CNTNAP2: variants seen among roughly 807,000 people sequenced by gnomAD.
CNTNAP2 encodes contactin-associated protein-like 2.
CNTNAP2 carries 98 observed loss-of-function variants against 155.2 expected under a neutral mutation model. The ratio of observed to expected loss-of-function variants is 0.63; its 90% CI spans 0.54 to 0.75. The LOEUF (loss-of-function observed/expected upper bound fraction) is 0.75, where lower values mean the gene tolerates loss of function less well. CNTNAP2 is among the 30% of genes least tolerant of loss of function. The probability of loss-of-function intolerance (pLI) is 0.00; values close to 1 mark genes in which losing one functional copy is unlikely to be tolerated. For synonymous variants in CNTNAP2, 651 were observed against 631.2 expected (o/e 1.03, Z -0.47); for missense variants, 1,727 against 1,688.1 (o/e 1.02, Z -0.40).
chr7:146,480,422 TTAAAA>T (rs1292376971), intron 1 of CNTNAP2, among the ~76,000 whole-genome samples: 1 of 151,928 alleles, frequency 6.6e-6, no homozygotes, highest in Non-Finnish European at 1.5e-5. Flanking sequence ...ATTATATATC[TTAAAA>T]TAATATGTAA....
intron 21 of CNTNAP2, among the ~76,000 whole-genome samples, chr7:148,371,664 G>A (rs968129918): frequency 4.6e-5 from 7 of 152,062 alleles, no homozygotes; most frequent in African/African-American, 1.7e-4. Context: ...ATCACTGAAC[G>A]ACAGGGATAC....
intron 3 of CNTNAP2, among the ~76,000 whole-genome samples, chr7:146,862,265 A>G (rs1585127047): frequency 6.6e-6 from 1 of 152,250 alleles, no homozygotes; most frequent in East Asian, 1.9e-4. Flanking sequence ...CTTAAATCTC[A>G]TGTTGCATTC....
intron 8 of CNTNAP2, among the ~76,000 whole-genome samples, chr7:147,213,659 T>C (rs1004363068): frequency 6.6e-6 from 1 of 151,946 alleles, no homozygotes; most frequent in Non-Finnish European, 1.5e-5. Flanking sequence ...TTTAAAGAGA[T>C]TTATTAGGGA....
intron 15 of CNTNAP2, among the ~76,000 whole-genome samples, chr7:147,982,603 T>A (rs1354676513): frequency 6.6e-6 from 1 of 152,208 alleles, no homozygotes. Context: ...TTCATCAAGA[T>A]GATGGTGAAT....
rs537094335 is a variant in CNTNAP2, at chr7:148,401,933, G to A, written c.3716-7458G>A. Among the ~76,000 whole-genome samples the A allele has an allele frequency of 2.6e-5, 4 of 152,216 alleles. No homozygotes were observed. The East Asian group carries it at 5.8e-4, about 22-fold the overall frequency. On this transcript the variant is annotated intron_variant, in intron 22 of 23. Transcript: ENST00000361727. Reference sequence around the variant, plus strand: ...TTTTCAATTAAAATACCTCTTTATCGTTAATCAGACAAAAGAGTACAATGT... The same window carrying A: ...TTTTCAATTAAAATACCTCTTTATCATTAATCAGACAAAAGAGTACAATGT...
At chr7:147,311,258 A>G (rs1795120885) in intron 9 of CNTNAP2, among the ~76,000 whole-genome samples, 1 of 152,210 alleles carries the variant, frequency 6.6e-6, no homozygotes, top group Admixed American at 6.5e-5. Context: ...AGCAGAGGTT[A>G]AGACAGAATC....
chr7:146,618,937 G>A (rs1288231863), intron 1 of CNTNAP2, among the ~76,000 whole-genome samples: 1 of 151,992 alleles, frequency 6.6e-6, no homozygotes, highest in Admixed American at 6.6e-5. Context: ...GGGCGTGGTG[G>A]TGGGGGCCTA....
chr7:146,880,003 G>C (rs1795509735), intron 3 of CNTNAP2, among the ~76,000 whole-genome samples: 1 of 151,990 alleles, frequency 6.6e-6, no homozygotes, highest in Non-Finnish European at 1.5e-5. Context: ...GATCTCGTAA[G>C]ACTTATTCAC....
At chr7:146,152,322 A>G (rs1225499506) in intron 1 of CNTNAP2, among the ~76,000 whole-genome samples, 1 of 152,112 alleles carries the variant, frequency 6.6e-6, no homozygotes, top group African/African-American at 2.4e-5. Flanking sequence ...AGTTGCTGTC[A>G]TAGAAGTAAT....
intron 14 of CNTNAP2, among the ~76,000 whole-genome samples, chr7:147,940,785 A>G (rs1346141039): frequency 3.3e-5 from 5 of 152,084 alleles, no homozygotes; most frequent in Admixed American, 2.6e-4. Flanking sequence ...CGATCCTCCC[A>G]CCTCGGGCAC....
At chr7:146,997,506 T>G (rs1413506419) in intron 3 of CNTNAP2, among the ~76,000 whole-genome samples, 1 of 152,164 alleles carries the variant, frequency 6.6e-6, no homozygotes, top group African/African-American at 2.4e-5. Context: ...CCTATGTTCA[T>G]CAGGAATATT....
At chr7:147,474,593 A>AG in intron 10 of CNTNAP2, among the ~76,000 whole-genome samples, 2 of 152,260 alleles carry the variant, frequency 1.3e-5, no homozygotes, top group East Asian at 3.9e-4. Flanking sequence ...GAAAAAAAAA[A>AG]CAAGAAAAAC....
intron 18 of CNTNAP2, among the ~76,000 whole-genome samples, chr7:148,207,075 T>C (rs1795461954): frequency 2.0e-5 from 3 of 152,232 alleles, no homozygotes; most frequent in African/African-American, 4.8e-5. Flanking sequence ...GAAAAGTATA[T>C]ATCATGTTTG....
chr7:146,699,733 C>T (rs1160213191), intron 1 of CNTNAP2, among the ~76,000 whole-genome samples: 1 of 151,934 alleles, frequency 6.6e-6, no homozygotes, highest in Non-Finnish European at 1.5e-5. Context: ...TTTGGGAGGC[C>T]GAGGTGGGAG....
At chr7:147,642,546 T>A (rs192484977) in intron 13 of CNTNAP2, among the ~76,000 whole-genome samples, 11 of 152,148 alleles carry the variant, frequency 7.2e-5, no homozygotes, top group African/African-American at 2.7e-4. Context: ...TTACAAAACA[T>A]AAAATGTACA....
intron 13 of CNTNAP2, among the ~76,000 whole-genome samples, chr7:147,857,820 C>G (rs774584955): frequency 3.9e-5 from 6 of 152,210 alleles, no homozygotes; most frequent in Non-Finnish European, 7.3e-5. Context: ...ATATACATCT[C>G]TAATACAAAT....
At chr7:146,465,728 T>C (rs1563094686) in intron 1 of CNTNAP2, among the ~76,000 whole-genome samples, 1 of 152,184 alleles carries the variant, frequency 6.6e-6, no homozygotes, top group Non-Finnish European at 1.5e-5. Context: ...GTACTAGAGA[T>C]TGATACGGCA....
chr7:147,398,798 G>A (rs1032781323), intron 10 of CNTNAP2, among the ~76,000 whole-genome samples: 7 of 148,992 alleles, frequency 4.7e-5, no homozygotes, highest in African/African-American at 1.7e-4. Context: ...GACAGATAAA[G>A]ATTATTGAAA....
At chr7:147,769,884 A>G (rs571693551) in intron 13 of CNTNAP2, among the ~76,000 whole-genome samples, 1 of 152,180 alleles carries the variant, frequency 6.6e-6, no homozygotes, top group Non-Finnish European at 1.5e-5. Context: ...ATCGTAACCA[A>G]TTTCTAGGAG....
Sources: allele counts gnomAD v4.1 joint callset (sites outside exome capture counted in the v4.1 genomes callset), GRCh38; gene constraint gnomAD v4.1.1; transcripts MANE v1.5; gene names NCBI Gene and HGNC (gene_info 2026-07-23, HGNC 2026-07-21).